MLIP: variants seen among roughly 807,000 people sequenced by gnomAD.
MLIP encodes muscular LMNA interacting protein, also known as muscular LMNA-interacting protein.
In MLIP, 79 loss-of-function variants were observed where a neutral mutation model predicts 84.8. That is an observed-to-expected ratio of 0.93 (90% CI 0.78 to 1.12). The LOEUF is 1.12. MLIP is among the 50% of genes most tolerant of loss of function. The pLI is 0.00. For synonymous variants in MLIP, 504 were observed against 463.0 expected, an observed-to-expected ratio of 1.09 and a Z score of -1.14; for missense variants, 1,257 against 1,160.6, an observed-to-expected ratio of 1.08 and a Z score of -1.21.
chr6:54,174,329 T>C (rs816387), intron 9 of MLIP, among the ~76,000 whole-genome samples: 82,965 of 151,714 alleles, frequency 0.55, 24,694 homozygotes, highest in South Asian at 0.69. Context: ...TTGTTCTTTA[T>C]AGTGGTCGTA....
chr6:54,101,275 G>A (rs1406484961), intron 1 of MLIP, among the ~76,000 whole-genome samples: 1 of 151,894 alleles, frequency 6.6e-6, no homozygotes, highest in Non-Finnish European at 1.5e-5. Flanking sequence ...AAGTAAACAT[G>A]GTAATATTCT....
At chr6:54,081,381 T>C (rs566790363) in intron 1 of MLIP, among the ~76,000 whole-genome samples, 1 of 134,316 alleles carries the variant, frequency 7.4e-6, no homozygotes, top group Non-Finnish European at 1.7e-5. Flanking sequence ...CAATCAATGT[T>C]GGGGTCCACA....
At chr6:54,148,461 G>C (rs1430265755) in intron 4 of MLIP, among the ~76,000 whole-genome samples, 1 of 152,128 alleles carries the variant, frequency 6.6e-6, no homozygotes, top group Non-Finnish European at 1.5e-5. Flanking sequence ...TAAAAAATGA[G>C]TTTAAGATCA....
intron 4 of MLIP, among the ~76,000 whole-genome samples, chr6:54,139,633 A>G (rs973466685): frequency 6.6e-6 from 1 of 152,166 alleles, no homozygotes; most frequent in Non-Finnish European, 1.5e-5. Context: ...ACATCAGTTA[A>G]GTTTTGTAAC....
intron 1 of MLIP, among the ~76,000 whole-genome samples, chr6:54,080,393 C>T (rs1767062168): frequency 6.6e-6 from 1 of 151,940 alleles, no homozygotes; most frequent in Non-Finnish European, 1.5e-5. Flanking sequence ...ACCCCTAAAC[C>T]TCTCCCATCA....
chr6:54,243,633 T>C (rs762630805), intron 12 of MLIP, among the ~76,000 whole-genome samples: 8 of 152,166 alleles, frequency 5.3e-5, no homozygotes, highest in Non-Finnish European at 1.2e-4. Flanking sequence ...TCAGAAAGTA[T>C]ATATAATTTG....
chr6:54,186,354 A>C (rs557972914), intron 9 of MLIP, among the ~76,000 whole-genome samples: 1 of 152,288 alleles, frequency 6.6e-6, no homozygotes, highest in East Asian at 1.9e-4. Context: ...GTCAAAATGG[A>C]AGGCTAAGCT....
intron 1 of MLIP, among the ~76,000 whole-genome samples, chr6:54,086,536 G>A (rs1425585770): frequency 1.3e-5 from 2 of 152,150 alleles, no homozygotes; most frequent in African/African-American, 4.8e-5. Flanking sequence ...TGCTACTGGA[G>A]AGTGAGATCA....
At chr6:54,068,087 CTTTTT>C (rs1561905250) in intron 1 of MLIP, among the ~76,000 whole-genome samples, 36 of 78,020 alleles carry the variant, frequency 4.6e-4, no homozygotes, top group East Asian at 1.4e-3. Flanking sequence ...TTCCTTCCTT[CTTTTT>C]CTCTCTCCCT....
chr6:54,087,537 AG>A (rs1767579902), intron 1 of MLIP, among the ~76,000 whole-genome samples: 1 of 152,138 alleles, frequency 6.6e-6, no homozygotes, highest in South Asian at 2.1e-4. Flanking sequence ...AATCTAATAG[AG>A]GGGCCAACAC....
At chr6:54,173,683 G>A (rs1016881104) in intron 9 of MLIP, among the ~76,000 whole-genome samples, 1 of 151,720 alleles carries the variant, frequency 6.6e-6, no homozygotes, top group African/African-American at 2.4e-5. Flanking sequence ...CATGGAAAAT[G>A]GGGTATCTGT....
chr6:54,202,155 G>A lies in MLIP; in HGVS notation c.2640G>A (p.Leu880=). 1 of 1,602,124 alleles carries A rather than the reference G, an allele frequency of 6.2e-7. No homozygotes were observed. The highest frequency in any genetic ancestry group is 1.3e-5 in the African/African-American group (1 of 74,510). ...RPVPVKSRIL[L]KKEEEVYEPN... is the part of the protein sequence containing the mutation. ...TACCTGTAAAATCCAGAATATTACT[G>A]AAAAAAGAGGAGGAAGTCTATGAAC... is the stretch of plus-strand genomic sequence containing the variant. The change falls in exon 11 of 14, where the codon CTG becomes CTA. Residue 880 remains leucine, a synonymous_variant. Coordinates refer to ENST00000502396, the MANE Select transcript of MLIP (RefSeq NM_001281747.2).
chr6:54,134,845 C>T (rs1582234838), intron 3 of MLIP, among the ~76,000 whole-genome samples: 1 of 151,978 alleles, frequency 6.6e-6, no homozygotes, highest in African/African-American at 2.4e-5. Flanking sequence ...TATTAATTTA[C>T]AGAATTCTTT....
At position 54,202,105 on chromosome 6, in the gene MLIP, A is replaced by G; in HGVS notation, c.2590A>G (p.Thr864Ala). The G allele has an allele frequency of 6.4e-7, 1 of 1,573,028 alleles. No individual in the cohort carries two copies. Among genetic ancestry groups the G allele is most frequent in the Non-Finnish European group, 8.6e-7 (1 of 1,159,008 alleles). ...AAATATTTATTTTACATTCATGAAG[A>G]CTAAGCCTGGAGTAATTCGCCCAGT... ...PSSTVSESQL[T>A]KPGVIRPVPV... Residue 864 changes from threonine to alanine, a missense_variant and splice_region_variant, in exon 11 of 14, where the codon ACT (threonine) becomes GCT (alanine). Transcript: ENST00000502396.
At chr6:54,170,741 C>T (rs1180435537) in intron 9 of MLIP, among the ~76,000 whole-genome samples, 1 of 151,412 alleles carries the variant, frequency 6.6e-6, no homozygotes, top group East Asian at 1.9e-4. Context: ...TATGAAAAGC[C>T]CTTAATGGAA....
At chr6:54,093,106 A>G (rs1321037892) in intron 1 of MLIP, among the ~76,000 whole-genome samples, 2 of 151,942 alleles carry the variant, frequency 1.3e-5, no homozygotes, top group Non-Finnish European at 2.9e-5. Flanking sequence ...TGAACTCTGA[A>G]CCTTAGGTGA....
chr6:54,174,911 A>G (rs765084419), intron 9 of MLIP, among the ~76,000 whole-genome samples: 2 of 151,888 alleles, frequency 1.3e-5, no homozygotes, highest in Non-Finnish European at 2.9e-5. Flanking sequence ...ATTCATTCTG[A>G]TTTGATTTTT....
At chr6:54,198,760 T>C (rs956219275) in intron 10 of MLIP, among the ~76,000 whole-genome samples, 3 of 152,126 alleles carry the variant, frequency 2.0e-5, no homozygotes, top group African/African-American at 4.8e-5. Context: ...CCTTCTACAA[T>C]ATTATGCTAC....
chr6:54,030,634 T>G (rs756760663), intron 1 of MLIP: 1 of 152,160 alleles, frequency 6.6e-6, no homozygotes, highest in Non-Finnish European at 1.5e-5. Context: ...TCTGGCATTT[T>G]TATTCCTTGC....
Sources: gnomAD v4.1 joint callset for allele counts (sites outside exome capture counted in the v4.1 genomes callset) on GRCh38, gnomAD v4.1.1 for gene constraint, MANE v1.5 for transcripts, NCBI Gene and HGNC (gene_info 2026-07-23, HGNC 2026-07-21) for gene names.